The following ALDH1A2 variants were observed in gnomAD, a reference collection of about 807,000 sequenced individuals.
ALDH1A2 encodes the protein retinal dehydrogenase 2.
A neutral mutation model predicts 60.3 loss-of-function variants in ALDH1A2; 27 were observed. The ratio of observed to expected loss-of-function variants is 0.45; its 90% CI spans 0.33 to 0.62. The LOEUF (loss-of-function observed/expected upper bound fraction) is 0.62. Among genes scored for constraint, ALDH1A2 ranks in the 20% least tolerant of loss-of-function variants. The pLI, the probability that ALDH1A2 is intolerant of heterozygous loss-of-function variation, is 0.02. For synonymous variants in ALDH1A2, 289 were observed against 232.4 expected, an observed-to-expected ratio of 1.24 and a Z score of -2.21; for missense variants, 581 against 643.8, an observed-to-expected ratio of 0.90 and a Z score of 1.06.
chr15:57,962,284 C>T (rs553357457), intron 9 of ALDH1A2, 108 bp from the exon 10 acceptor site: 6 of 1,362,594 alleles, frequency 4.4e-6, no homozygotes, highest in South Asian at 2.5e-5. Context: ...AGTTTAACTA[C>T]ACCCAGTCAG....
At chr15:57,993,278 C>T (rs1894954967) in intron 5 of ALDH1A2, among the ~76,000 whole-genome samples, 1 of 152,278 alleles carries the variant, frequency 6.6e-6, no homozygotes, top group African/African-American at 2.4e-5. Context: ...TCTGACCAAC[C>T]AATTACTATA....
At chr15:58,047,081 T>C (rs1471692388) in intron 1 of ALDH1A2, among the ~76,000 whole-genome samples, 1 of 151,988 alleles carries the variant, frequency 6.6e-6, no homozygotes, top group Admixed American at 6.6e-5. Flanking sequence ...GCCATAACTA[T>C]ATAGGCAGGC....
chr15:58,052,531 T>C (rs1408545041), intron 1 of ALDH1A2, among the ~76,000 whole-genome samples: 1 of 152,120 alleles, frequency 6.6e-6, no homozygotes, highest in East Asian at 1.9e-4. Context: ...AGTGGCGCAA[T>C]CTCGGCTCAG....
intron 1 of ALDH1A2, among the ~76,000 whole-genome samples, chr15:58,049,735 A>T (rs1397393702): frequency 6.6e-6 from 1 of 152,046 alleles, no homozygotes; most frequent in Non-Finnish European, 1.5e-5. Context: ...TGGTTCAAAC[A>T]TGGTAAGGCT....
At chr15:57,969,593 C>T (rs573936630) in intron 7 of ALDH1A2, among the ~76,000 whole-genome samples, 5 of 152,226 alleles carry the variant, frequency 3.3e-5, no homozygotes, top group South Asian at 2.1e-4. Flanking sequence ...AGGGTGCACA[C>T]GTTTTCCAAG....
At chr15:58,027,209 C>T (rs7497870) in intron 1 of ALDH1A2, among the ~76,000 whole-genome samples, 4 of 152,192 alleles carry the variant, frequency 2.6e-5, no homozygotes, top group Non-Finnish European at 2.9e-5. Context: ...ATTTGCTGTT[C>T]TGCATTATTT....
At chr15:57,974,092 T>A (rs528995689) in intron 7 of ALDH1A2, among the ~76,000 whole-genome samples, 221 of 152,264 alleles carry the variant, frequency 1.5e-3, no homozygotes, top group African/African-American at 5.1e-3. Flanking sequence ...AATAATGTGA[T>A]ACTTGCGATG....
At chr15:58,055,945 T>C (rs1896884490) in intron 1 of ALDH1A2, among the ~76,000 whole-genome samples, 2 of 152,212 alleles carry the variant, frequency 1.3e-5, no homozygotes, top group South Asian at 4.1e-4. Context: ...CCTATCCATG[T>C]TTTCTCCAAA....
intron 7 of ALDH1A2, among the ~76,000 whole-genome samples, chr15:57,992,263 T>C (rs1310577133): frequency 6.6e-6 from 1 of 152,066 alleles, no homozygotes; most frequent in African/African-American, 2.4e-5. Flanking sequence ...AGAAAAAAAA[T>C]GTGCTGAGCC....
At chr15:58,064,241 C>G (rs567246188) in intron 1 of ALDH1A2, among the ~76,000 whole-genome samples, 1 of 152,156 alleles carries the variant, frequency 6.6e-6, no homozygotes, top group Admixed American at 6.5e-5. Context: ...TATTGTTATG[C>G]AAACAATGCC....
Position 58,064,605 on chromosome 15 carries a change from C to T in ALDH1A2, c.117+929G>A, listed in dbSNP as rs576269806. 2.6e-5 allele frequency among the ~76,000 whole-genome samples: 4 copies of T among 152,262 alleles called. No homozygotes were observed. The South Asian group carries it at 6.2e-4, about 24-fold the overall frequency. On this transcript the variant is annotated intron_variant, in intron 1 of 12. Transcript: ENST00000249750. Reference sequence around the variant, plus strand: ...TGAGTGTAGAAATGTACCGAAAGGACTAGAAAATCAAACCAGAGAACTACA... The same window carrying T: ...TGAGTGTAGAAATGTACCGAAAGGATTAGAAAATCAAACCAGAGAACTACA...
intron 1 of ALDH1A2, among the ~76,000 whole-genome samples, chr15:58,029,448 A>T (rs1896172001): frequency 6.6e-6 from 1 of 152,200 alleles, no homozygotes. Flanking sequence ...AGCAGGAAAG[A>T]TCTAAACTCA....
intron 7 of ALDH1A2, among the ~76,000 whole-genome samples, chr15:57,971,935 G>C (rs1315879716): frequency 6.6e-6 from 1 of 151,930 alleles, no homozygotes; most frequent in Non-Finnish European, 1.5e-5. Flanking sequence ...TTGCCATCTT[G>C]CCCAGGCTGG....
intron 12 of ALDH1A2, among the ~76,000 whole-genome samples, chr15:57,959,379 A>G (rs540322664): frequency 2.0e-5 from 3 of 152,320 alleles, no homozygotes; most frequent in African/African-American, 7.2e-5. Flanking sequence ...GACTCTGTAA[A>G]AGCTGAAGGA....
chr15:57,979,272 C>G (rs1278190252), intron 7 of ALDH1A2, among the ~76,000 whole-genome samples: 1 of 152,146 alleles, frequency 6.6e-6, no homozygotes, highest in Non-Finnish European at 1.5e-5. Flanking sequence ...TGTCCCCACC[C>G]CATTCCTCAG....
chr15:57,961,372 C>T (rs1223870711), intron 10 of ALDH1A2, 78 bp from the exon 11 acceptor site: 2 of 1,527,916 alleles, frequency 1.3e-6, no homozygotes, highest in East Asian at 2.3e-5. Flanking sequence ...TGCAAGTTTA[C>T]TCTGCCTTGA....
At chr15:58,021,831 CAT>C (rs1464378345) in intron 1 of ALDH1A2, among the ~76,000 whole-genome samples, 9 of 152,240 alleles carry the variant, frequency 5.9e-5, no homozygotes, top group African/African-American at 2.2e-4. Flanking sequence ...TGCTGGTAGA[CAT>C]GTGTTGCTGA....
chr15:58,025,138 C>T (rs150689303), intron 1 of ALDH1A2, among the ~76,000 whole-genome samples: 68 of 151,714 alleles, frequency 4.5e-4, no homozygotes, highest in African/African-American at 1.0e-3. Flanking sequence ...TAGAAAAACG[C>T]GAAGAAACCA....
At chr15:58,001,237 G>C (rs74017100) in intron 4 of ALDH1A2, among the ~76,000 whole-genome samples, 14 of 151,916 alleles carry the variant, frequency 9.2e-5, no homozygotes, top group African/African-American at 3.4e-4. Context: ...TCCTGGACTT[G>C]GATCTGGGTC....
Sources: allele counts gnomAD v4.1 joint callset (sites outside exome capture counted in the v4.1 genomes callset), GRCh38; gene constraint gnomAD v4.1.1; transcripts MANE v1.5; gene names NCBI Gene and HGNC (gene_info 2026-07-23, HGNC 2026-07-21).